Variants in GTF2B observed in about 807,000 individuals in gnomAD.
GTF2B encodes the protein general transcription factor IIB.
Under a neutral mutation model 34.6 loss-of-function variants are expected in GTF2B, and 20 were observed. That is an observed-to-expected ratio of 0.58 (90% CI 0.41 to 0.84). The LOEUF (loss-of-function observed/expected upper bound fraction) is 0.84. Among genes scored for constraint, GTF2B ranks in the 40% least tolerant of loss-of-function variants. GTF2B has a pLI of 0.00. For synonymous variants in GTF2B, 142 were observed against 132.4 expected, an observed-to-expected ratio of 1.07 and a Z score of -0.50; for missense variants, 237 against 393.3, an observed-to-expected ratio of 0.60 and a Z score of 3.36.
At position 88,856,291 on chromosome 1, in the gene GTF2B, C is replaced by CAAAAAAAAAAAAAA. The variant is rs1162915523; in HGVS notation, c.817+914_817+915insTTTTTTTTTTTTTT. Reference sequence around the variant, plus strand: ...CAAAAACAAAAAAAAAAAAAAAAAACAAAAAAAAAAAAGGAAAAGAAATTC... The same window carrying CAAAAAAAAAAAAAA: ...CAAAAACAAAAAAAAAAAAAAAAAACAAAAAAAAAAAAAAAAAAAAAAAAAAGGAAAAGAAATTC... On this transcript the variant is annotated intron_variant, in intron 6 of 6. Coordinates refer to ENST00000370500, the MANE Select transcript of GTF2B (RefSeq NM_001514.6). 6.3e-4 allele frequency among the ~76,000 whole-genome samples: 54 copies of CAAAAAAAAAAAAAA among 86,164 alleles called. 1 individual carries two copies. The highest frequency in any genetic ancestry group is 9.1e-4 in the Admixed American group (5 of 5,466). 56.5% of individuals were successfully genotyped at this position (86,164 alleles called of 152,430 possible).
chr1:88,891,487 T>A lies in GTF2B; in HGVS notation c.13A>T (p.Ser5Cys). 1.2e-6 allele frequency: 2 copies of A among 1,603,038 alleles called. No individual in the cohort carries two copies. Among genetic ancestry groups the A allele is most frequent in the Non-Finnish European group, 1.7e-6 (2 of 1,174,488 alleles). Residue 5 changes from serine (S) to cysteine (C), a missense_variant, in exon 1 of 7, where the codon AGC becomes TGC. By Grantham distance (112) the Ser-to-Cys change is moderately radical. Transcript: ENST00000370500. ...GGCTCGGCGGGACATACTAACCGGC[T>A]GGTAGACGCCATCTTCACGGCGACT... MASTSRLDALPRVTC... is the reference protein window; with the variant it reads MASTCRLDALPRVTC...
intron 2 of GTF2B, among the ~76,000 whole-genome samples, chr1:88,885,012 T>A (rs1441772767): frequency 6.6e-6 from 1 of 152,252 alleles, no homozygotes; most frequent in East Asian, 1.9e-4. Context: ...ATTAGTATGC[T>A]GAGCAGCAGA....
At chr1:88,867,157 CCT>C (rs1673579191) in intron 2 of GTF2B, among the ~76,000 whole-genome samples, 1 of 152,176 alleles carries the variant, frequency 6.6e-6, no homozygotes, top group Admixed American at 6.5e-5. Flanking sequence ...AATTTTTCTT[CCT>C]TTTTACAAAA....
intron 2 of GTF2B, among the ~76,000 whole-genome samples, chr1:88,885,518 C>T (rs1013346225): frequency 6.6e-6 from 1 of 151,608 alleles, no homozygotes; most frequent in African/African-American, 2.4e-5. Flanking sequence ...GAGGCCAAGG[C>T]GATCGTATCA....
intron 2 of GTF2B, among the ~76,000 whole-genome samples, chr1:88,875,449 T>A (rs148857201): frequency 2.9e-4 from 44 of 152,330 alleles, no homozygotes; most frequent in African/African-American, 1.0e-3. Flanking sequence ...TTTCCTCAAA[T>A]ACAAGTAGGT....
In GTF2B at chr1:88,875,828, C is replaced by T. The variant is rs550896662; in HGVS notation, c.124+11433G>A. On this transcript the variant is annotated intron_variant, in intron 2 of 6. Coordinates refer to ENST00000370500, the MANE Select transcript of GTF2B (RefSeq NM_001514.6). Reference sequence around the variant, plus strand: ...CTCATCTTTCTATCACTCTCAGTGACCAACCAGCACAGTGCTTAACTGAGA... The same window carrying T: ...CTCATCTTTCTATCACTCTCAGTGATCAACCAGCACAGTGCTTAACTGAGA... Among the ~76,000 whole-genome samples, 71 of 152,250 alleles carry T rather than the reference C, an allele frequency of 4.7e-4. 1 individual carries two copies. In the South Asian group the frequency reaches 0.015, roughly 31 times the overall value.
intron 2 of GTF2B, among the ~76,000 whole-genome samples, chr1:88,869,262 G>A (rs370534932): frequency 6.6e-6 from 1 of 152,164 alleles, no homozygotes; most frequent in African/African-American, 2.4e-5. Context: ...ACGTCATATT[G>A]TATCAGAGAC....
chr1:88,873,887 G>A (rs1031385140), intron 2 of GTF2B, among the ~76,000 whole-genome samples: 2 of 152,192 alleles, frequency 1.3e-5, no homozygotes, highest in African/African-American at 2.4e-5. Flanking sequence ...GGGTCTAGGT[G>A]AGCAGCCACA....
chr1:88,859,549 T>C (rs1673389143), intron 5 of GTF2B, among the ~76,000 whole-genome samples: 1 of 152,142 alleles, frequency 6.6e-6, no homozygotes, highest in Non-Finnish European at 1.5e-5. Flanking sequence ...AAAATGTTAT[T>C]TTAGGATGGG....
intron 2 of GTF2B, among the ~76,000 whole-genome samples, chr1:88,878,077 T>A (rs890020533): frequency 6.6e-5 from 10 of 152,200 alleles, no homozygotes; most frequent in Admixed American, 3.9e-4. Context: ...AAGACCAGCA[T>A]GGGCAACACA....
At chr1:88,885,104 A>G (rs377761634) in intron 2 of GTF2B, among the ~76,000 whole-genome samples, 1 of 152,230 alleles carries the variant, frequency 6.6e-6, no homozygotes, top group Admixed American at 6.5e-5. Context: ...AGTCATATAC[A>G]CTATGTAAAC....
intron 6 of GTF2B, among the ~76,000 whole-genome samples, chr1:88,853,986 T>A (rs1673246101): frequency 6.6e-6 from 1 of 152,208 alleles, no homozygotes; most frequent in African/African-American, 2.4e-5. Flanking sequence ...TAACATAAAA[T>A]ATATGAATAG....
intron 5 of GTF2B, 50 bp downstream of exon 5, chr1:88,859,832 T>C: frequency 6.4e-7 from 1 of 1,562,242 alleles, no homozygotes; most frequent in Non-Finnish European, 8.8e-7. Flanking sequence ...TGAGACCCTA[T>C]CTCAAACAAA....
At position 88,871,249 on chromosome 1, in the gene GTF2B, G is replaced by A. The variant is rs180896199; in HGVS notation, c.125-7135C>T. ...AAAAGCTAATCACAGTTGTTTGAGAGCTATTATACTTTAATACTTACATGT... is the reference window on the plus strand; with the variant it reads ...AAAAGCTAATCACAGTTGTTTGAGAACTATTATACTTTAATACTTACATGT... On this transcript the variant is annotated intron_variant, in intron 2 of 6. Coordinates refer to ENST00000370500, the MANE Select transcript of GTF2B (RefSeq NM_001514.6). 8.8e-4 allele frequency among the ~76,000 whole-genome samples: 134 copies of A among 152,226 alleles called. No individual in the cohort carries two copies. In the Middle Eastern group the frequency reaches 0.017, roughly 19 times the overall value.
intron 2 of GTF2B, among the ~76,000 whole-genome samples, chr1:88,877,855 C>T (rs1165271846): frequency 6.6e-6 from 1 of 152,184 alleles, no homozygotes; most frequent in Non-Finnish European, 1.5e-5. Flanking sequence ...CACTGGAACC[C>T]GGGAGGCAGA....
At chr1:88,882,324 A>C (rs1673969325) in intron 2 of GTF2B, among the ~76,000 whole-genome samples, 3 of 150,692 alleles carry the variant, frequency 2.0e-5, no homozygotes, top group South Asian at 4.2e-4. Context: ...AAAAAAAAAA[A>C]AAAAAAAAAA....
intron 2 of GTF2B, among the ~76,000 whole-genome samples, chr1:88,881,906 C>T (rs891258803): frequency 1.3e-5 from 2 of 152,068 alleles, no homozygotes; most frequent in African/African-American, 4.8e-5. Flanking sequence ...GCATACAAGT[C>T]TTGTGAATTG....
At chr1:88,888,206 C>T (rs932431103) in intron 1 of GTF2B, among the ~76,000 whole-genome samples, 6 of 152,104 alleles carry the variant, frequency 3.9e-5, no homozygotes, top group African/African-American at 9.7e-5. Context: ...ATCAGATACA[C>T]GTAAAAGACA....
chr1:88,866,101 C>A (rs1417691708), intron 2 of GTF2B, among the ~76,000 whole-genome samples: 4 of 152,134 alleles, frequency 2.6e-5, no homozygotes, highest in Non-Finnish European at 4.4e-5. Flanking sequence ...GTGGTTCACA[C>A]CTGTAATCTT....
Sources: allele counts gnomAD v4.1 joint callset (sites outside exome capture counted in the v4.1 genomes callset), GRCh38; gene constraint gnomAD v4.1.1; transcripts MANE v1.5; gene names NCBI Gene and HGNC (gene_info 2026-07-23, HGNC 2026-07-21).